Variants in LMO7 observed in about 807,000 individuals in gnomAD.
LMO7 encodes the protein LIM domain 7, also known as LIM domain only protein 7.
In LMO7, 120 loss-of-function variants were observed where a neutral mutation model predicts 206.5. The ratio of observed to expected loss-of-function variants is 0.58; its 90% CI spans 0.50 to 0.68. LMO7 has a LOEUF of 0.68. Ranked by LOEUF, LMO7 falls within the 30% of genes least tolerant of loss-of-function variation. The probability of loss-of-function intolerance (pLI) is 0.00; values close to 1 mark genes in which losing one functional copy is unlikely to be tolerated. For synonymous variants in LMO7, 706 were observed against 681.5 expected (o/e 1.04, Z -0.56); for missense variants, 1,959 against 1,957.9 (o/e 1.00, Z -0.01).
chr13:75,709,504 A>G (rs1174238313), intron 1 of LMO7, among the ~76,000 whole-genome samples: 3 of 152,012 alleles, frequency 2.0e-5, no homozygotes, highest in South Asian at 4.2e-4. Flanking sequence ...CTGGTGTGAG[A>G]TGGTATCTCA....
chr13:75,776,489 A>G (rs1388843322), intron 4 of LMO7, among the ~76,000 whole-genome samples: 1 of 152,008 alleles, frequency 6.6e-6, no homozygotes, highest in Non-Finnish European at 1.5e-5. Flanking sequence ...AAGCTTTTTA[A>G]AAAACTTCTT....
At chr13:75,763,926 A>C (rs1206400539) in intron 4 of LMO7, among the ~76,000 whole-genome samples, 1 of 152,170 alleles carries the variant, frequency 6.6e-6, no homozygotes, top group Non-Finnish European at 1.5e-5. Context: ...TAGCTATCTG[A>C]AGTTTACAAT....
At chr13:75,641,825 CT>C (rs781445163) in intron 1 of LMO7, among the ~76,000 whole-genome samples, 513 of 140,592 alleles carry the variant, frequency 3.6e-3, no homozygotes, top group Admixed American at 3.4e-3. Context: ...TTTTGTATTT[CT>C]TTTTTTTTTT....
At chr13:75,790,390 G>C (rs1777711155) in intron 4 of LMO7, among the ~76,000 whole-genome samples, 1 of 152,180 alleles carries the variant, frequency 6.6e-6, no homozygotes, top group African/African-American at 2.4e-5. Flanking sequence ...TTTGGAGACA[G>C]TGAAGTGATG....
At chr13:75,699,951 C>A (rs8000374) in intron 1 of LMO7, among the ~76,000 whole-genome samples, 11,737 of 152,260 alleles carry the variant, frequency 0.077, 1,000 homozygotes, top group African/African-American at 0.21. Context: ...GCCATTTTAG[C>A]GGCTTCCCCC....
rs1365536756 is a variant in LMO7, at chr13:75,840,096, T to A, written c.3463T>A (p.Ser1155Thr). The change falls in exon 21 of 31, where the codon TCG (serine) becomes ACG (threonine). Residue 1155 changes from serine (S) to threonine (T), a missense_variant. Transcript: ENST00000377534. ...SQFFEQGSSD[S>T]VVPDLPVPTI... ...GTGCTGCAACACAGGAAGCTCTGAT[T>A]CGGTGGTTCCTGATGTAAGTAGCAT... The A allele has an allele frequency of 6.2e-7, 1 of 1,614,098 alleles. No individual in the cohort carries two copies.
At chr13:75,714,916 C>G (rs942645371) in intron 2 of LMO7, among the ~76,000 whole-genome samples, 1 of 151,828 alleles carries the variant, frequency 6.6e-6, no homozygotes, top group African/African-American at 2.4e-5. Context: ...CAACCATACA[C>G]CCCACAAGTC....
intron 1 of LMO7, among the ~76,000 whole-genome samples, chr13:75,675,319 C>A (rs973137938): frequency 6.6e-6 from 1 of 152,108 alleles, no homozygotes; most frequent in African/African-American, 2.4e-5. Context: ...AATGATCCAC[C>A]CACCTCGACC....
At chr13:75,733,360 C>A (rs1285050689) in intron 3 of LMO7, among the ~76,000 whole-genome samples, 1 of 152,236 alleles carries the variant, frequency 6.6e-6, no homozygotes, top group Admixed American at 6.5e-5. Context: ...CTCACTGCTG[C>A]CTTGCAGTTT....
intron 3 of LMO7, among the ~76,000 whole-genome samples, chr13:75,733,323 G>T (rs921197904): frequency 6.6e-6 from 1 of 152,236 alleles, no homozygotes; most frequent in African/African-American, 2.4e-5. Flanking sequence ...AGCAAGCCTG[G>T]GCAATGGCGG....
At position 75,849,235 on chromosome 13, in the gene LMO7, G is replaced by A. The variant is rs754680031; in HGVS notation, c.4307G>A (p.Arg1436Gln). ...TPLHNDNSWI[R>Q]QRSASVNKEP... ...CTTCACAATGACAACAGCTGGATCC[G>A]ACAGCGCAGTGCCAGTGTCAACAAA... The change falls in exon 27 of 31, where the codon CGA becomes CAA. Residue 1436 changes from arginine to glutamine, a missense_variant. Physicochemically the swap from Arg to Gln is conservative, Grantham distance 43 (BLOSUM62 1). Coordinates refer to ENST00000377534, the MANE Select transcript of LMO7 (RefSeq NM_001306080.2). The A allele has an allele frequency of 1.5e-5, 25 of 1,613,986 alleles. No homozygotes were observed. The highest frequency in any genetic ancestry group is 3.3e-5 in the South Asian group (3 of 91,080).
At chr13:75,833,022 G>C (rs970043853) in intron 15 of LMO7, 29 bp from the exon 16 acceptor site, 2 of 1,300,548 alleles carry the variant, frequency 1.5e-6, no homozygotes, top group East Asian at 4.6e-5. Context: ...AGGGACACCG[G>C]ATACCAGCGT....
intron 6 of LMO7, among the ~76,000 whole-genome samples, chr13:75,798,152 C>G (rs554186371): frequency 1.3e-5 from 2 of 152,154 alleles, no homozygotes; most frequent in African/African-American, 4.8e-5. Flanking sequence ...AGGCGGATCA[C>G]CTGAAGTTGT....
chr13:75,808,793 T>C (rs1324023908), intron 10 of LMO7, among the ~76,000 whole-genome samples: 2 of 152,340 alleles, frequency 1.3e-5, no homozygotes, highest in Admixed American at 6.5e-5. Context: ...GTTTGTATTA[T>C]GCAACTTGCC....
At chr13:75,698,053 G>A (rs2042021379) in intron 1 of LMO7, among the ~76,000 whole-genome samples, 2 of 152,108 alleles carry the variant, frequency 1.3e-5, no homozygotes, top group Admixed American at 1.3e-4. Context: ...TCAGCTTTGA[G>A]ACCATACAAT....
intron 24 of LMO7, 38 bp downstream of exon 24, chr13:75,842,021 G>T (rs766670412): frequency 6.7e-6 from 10 of 1,494,104 alleles, no homozygotes; most frequent in Non-Finnish European, 9.1e-6. Context: ...AGGCTTAGCT[G>T]TATCCATTCC....
At chr13:75,638,978 T>C (rs539826725) in intron 1 of LMO7, among the ~76,000 whole-genome samples, 2 of 152,284 alleles carry the variant, frequency 1.3e-5, no homozygotes, top group East Asian at 1.9e-4. Context: ...TAAGTGTATA[T>C]ATTGTATATG....
intron 3 of LMO7, among the ~76,000 whole-genome samples, chr13:75,750,165 T>G (rs578009262): frequency 3.2e-4 from 49 of 152,248 alleles, no homozygotes; most frequent in African/African-American, 1.1e-3. Context: ...CCCTGCTACT[T>G]AGAAGTTGCT....
At position 75,636,525 on chromosome 13, in the gene LMO7, C is replaced by T. The variant is rs1555284556; in HGVS notation, c.-133C>T. 7.3e-6 allele frequency: 11 copies of T among 1,516,708 alleles called. No individual in the cohort carries two copies. The highest frequency in any genetic ancestry group is 2.3e-4 in the Middle Eastern group (1 of 4,258). 94.0% of individuals were successfully genotyped at this position (1,516,708 alleles called of 1,614,324 possible). On this transcript the variant is annotated 5_prime_UTR_variant, in exon 1 of 31. Transcript: ENST00000377534. ...AACAAAGGGAACTAGAGCCCCGGCG[C>T]CTTCGCAGCCGGAGCGGAAGCCGGA...
Sources: gnomAD v4.1 joint callset for allele counts (sites outside exome capture counted in the v4.1 genomes callset) on GRCh38, gnomAD v4.1.1 for gene constraint, MANE v1.5 for transcripts, NCBI Gene and HGNC (gene_info 2026-07-23, HGNC 2026-07-21) for gene names.